GALNTL6: variants seen among roughly 807,000 people sequenced by gnomAD.
GALNTL6 encodes polypeptide N-acetylgalactosaminyltransferase-like 6.
GALNTL6 carries 46 observed loss-of-function variants against 73.7 expected under a neutral mutation model. The ratio of observed to expected loss-of-function variants is 0.62; its 90% confidence interval spans 0.49 to 0.80. The LOEUF is 0.80. GALNTL6 is among the 30% of genes least tolerant of loss of function. The pLI is 0.00. For missense variants in GALNTL6, 604 were observed against 755.0 expected, an observed-to-expected ratio of 0.80 and a Z score of 2.34; for synonymous variants, 259 against 263.7, an observed-to-expected ratio of 0.98 and a Z score of 0.17.
intron 1 of GALNTL6, among the ~76,000 whole-genome samples, chr4:171,814,191 A>G (rs1734459987): frequency 6.6e-6 from 1 of 152,054 alleles, no homozygotes; most frequent in Admixed American, 6.5e-5. Context: ...CAACAACAAC[A>G]GCAACAAAAA....
intron 2 of GALNTL6, among the ~76,000 whole-genome samples, chr4:172,196,328 C>G (rs1735769841): frequency 6.6e-6 from 1 of 152,056 alleles, no homozygotes; most frequent in Admixed American, 6.6e-5. Flanking sequence ...AAAAAAATCC[C>G]AGGACCAGAT....
chr4:172,569,402 T>G (rs113789604), intron 5 of GALNTL6, among the ~76,000 whole-genome samples: 87 of 152,300 alleles, frequency 5.7e-4, no homozygotes, highest in African/African-American at 2.0e-3. Context: ...ACTGTCATAT[T>G]ACGTTATTTT....
In GALNTL6 at chr4:172,103,775, C is replaced by G. The variant is rs1048518309; in HGVS notation, c.139-125881C>G. Among the ~76,000 whole-genome samples the G allele has an allele frequency of 2.0e-5, 3 of 152,132 alleles. No homozygotes were observed. The South Asian group carries it at 6.2e-4, about 32-fold the overall frequency. On this transcript the variant is annotated intron_variant, in intron 2 of 12. Coordinates refer to ENST00000506823, the MANE Select transcript of GALNTL6 (RefSeq NM_001034845.3). ...TGGAAAGCAGTCCTATACAAAGTTA[C>G]GGTGATCTGACCTGGAGTCTCATTT... is the stretch of plus-strand genomic sequence containing the variant.
At chr4:172,583,913 A>C (rs1025888911) in intron 5 of GALNTL6, among the ~76,000 whole-genome samples, 1 of 149,310 alleles carries the variant, frequency 6.7e-6, no homozygotes, top group Non-Finnish European at 1.5e-5. Context: ...AAAAAAAAAA[A>C]AAAAAAATCA....
chr4:172,762,653 A>G (rs968412273), intron 5 of GALNTL6, among the ~76,000 whole-genome samples: 1 of 152,136 alleles, frequency 6.6e-6, no homozygotes, highest in African/African-American at 2.4e-5. Flanking sequence ...AATCACAGTT[A>G]TGCAGCTATA....
At chr4:171,864,490 C>T (rs1200343161) in intron 2 of GALNTL6, among the ~76,000 whole-genome samples, 3 of 152,132 alleles carry the variant, frequency 2.0e-5, no homozygotes, top group African/African-American at 7.2e-5. Context: ...GAAGGTATGT[C>T]TATAGTGTAA....
intron 5 of GALNTL6, among the ~76,000 whole-genome samples, chr4:172,588,547 G>GA (rs972844493): frequency 3.5e-4 from 51 of 147,700 alleles, no homozygotes; most frequent in South Asian, 6.5e-4. Flanking sequence ...AAAAAAAAAA[G>GA]AAAAAAAAAT....
chr4:172,326,010 T>G (rs1435970162), intron 4 of GALNTL6, among the ~76,000 whole-genome samples: 3 of 151,820 alleles, frequency 2.0e-5, no homozygotes, highest in Admixed American at 1.3e-4. Flanking sequence ...AGTATATCAC[T>G]GATCATAGAA....
At chr4:172,853,426 T>C (rs1743947325) in intron 7 of GALNTL6, among the ~76,000 whole-genome samples, 1 of 152,218 alleles carries the variant, frequency 6.6e-6, no homozygotes, top group African/African-American at 2.4e-5. Flanking sequence ...CACTGTATCC[T>C]CTTTAAAACA....
rs527496394 is a variant in GALNTL6, at chr4:172,898,451, A to C, written c.1041+15544A>C. Among the ~76,000 whole-genome samples, 724 of 142,346 alleles carry C rather than the reference A, an allele frequency of 5.1e-3. 5 individuals carry two copies. Among genetic ancestry groups the C allele is most frequent in the Middle Eastern group, 0.011 (3 of 280 alleles). 93.4% of individuals were successfully genotyped at this position (142,346 alleles called of 152,430 possible). A position where few individuals can be genotyped will look rare whatever the true frequency, so the allele number is the denominator to read the frequency against. On this transcript the variant is annotated intron_variant, in intron 8 of 12. Transcript: ENST00000506823. ...CTCCAAACTATCAAGATGGTATTTAAAAAAAAAAAAAAGATCTCATAAAAT... is the reference window on the plus strand; with the variant it reads ...CTCCAAACTATCAAGATGGTATTTACAAAAAAAAAAAAGATCTCATAAAAT...
At chr4:172,761,082 G>A (rs1379265345) in intron 5 of GALNTL6, among the ~76,000 whole-genome samples, 1 of 152,156 alleles carries the variant, frequency 6.6e-6, no homozygotes, top group East Asian at 1.9e-4. Flanking sequence ...AATGGGGCCT[G>A]CCTAGAGAAA....
intron 8 of GALNTL6, among the ~76,000 whole-genome samples, chr4:172,900,123 CT>C (rs1746544575): frequency 6.6e-6 from 1 of 152,110 alleles, no homozygotes; most frequent in Non-Finnish European, 1.5e-5. Flanking sequence ...TGGAGTTGTT[CT>C]GGTTAAAACG....
intron 11 of GALNTL6, among the ~76,000 whole-genome samples, chr4:173,011,359 G>T (rs1410867949): frequency 1.3e-5 from 2 of 152,100 alleles, no homozygotes; most frequent in Non-Finnish European, 2.9e-5. Flanking sequence ...TTTTTAGTTT[G>T]ATGTGATCCA....
chr4:172,622,820 T>C lies in GALNTL6; in HGVS notation c.554-186541T>C, dbSNP rs146982127. Reference sequence around the variant, plus strand: ...CCAGGTCTGAGGATCTAGAAGAGGTTTCTTTAATATTAATTTGATGATGAG... The same window carrying C: ...CCAGGTCTGAGGATCTAGAAGAGGTCTCTTTAATATTAATTTGATGATGAG... On this transcript the variant is annotated intron_variant, in intron 5 of 12. Coordinates refer to ENST00000506823, the MANE Select transcript of GALNTL6 (RefSeq NM_001034845.3). Among the ~76,000 whole-genome samples the C allele has an allele frequency of 6.6e-5, 10 of 152,232 alleles. No homozygotes were observed. In the East Asian group the frequency reaches 1.7e-3, roughly 26 times the overall value.
intron 4 of GALNTL6, among the ~76,000 whole-genome samples, chr4:172,337,693 G>GTTT (rs754345651): frequency 4.4e-5 from 4 of 91,666 alleles, no homozygotes; most frequent in Non-Finnish European, 8.1e-5. Context: ...CGTCTTTAAG[G>GTTT]TTTTTTGTTT....
chr4:172,191,230 C>T (rs1463026756), intron 2 of GALNTL6, among the ~76,000 whole-genome samples: 1 of 152,220 alleles, frequency 6.6e-6, no homozygotes, highest in African/African-American at 2.4e-5. Flanking sequence ...TATGGTCTCA[C>T]TTACTGAATC....
intron 2 of GALNTL6, among the ~76,000 whole-genome samples, chr4:172,065,173 G>C (rs1004212255): frequency 6.6e-6 from 1 of 151,976 alleles, no homozygotes; most frequent in African/African-American, 2.4e-5. Context: ...TGGGGGTTAG[G>C]GGGGATAGTT....
At position 172,609,468 on chromosome 4, in the gene GALNTL6, G is replaced by A. The variant is rs1024674219; in HGVS notation, c.554-199893G>A. 1.1e-4 allele frequency among the ~76,000 whole-genome samples: 17 copies of A among 152,144 alleles called. No homozygotes were observed. In the South Asian group the frequency reaches 2.5e-3, roughly 22 times the overall value. ...TTTATTGATTTGCATATGTAGAACC[G>A]AACTTGCATCCCAGGGATAAAACCT... On this transcript the variant is annotated intron_variant, in intron 5 of 12. Transcript: ENST00000506823.
intron 2 of GALNTL6, among the ~76,000 whole-genome samples, chr4:171,877,415 A>T (rs936115018): frequency 2.6e-5 from 4 of 152,186 alleles, no homozygotes; most frequent in African/African-American, 9.7e-5. Context: ...ATCAGCTACC[A>T]CATAGGGCTA....
Sources: gnomAD v4.1 joint callset for allele counts (sites outside exome capture counted in the v4.1 genomes callset) on GRCh38, gnomAD v4.1.1 for gene constraint, MANE v1.5 for transcripts, NCBI Gene and HGNC (gene_info 2026-07-23, HGNC 2026-07-21) for gene names.